Variants in GLCCI1 observed in about 807,000 individuals in gnomAD.
GLCCI1 encodes the protein glucocorticoid-induced transcript 1 protein.
A neutral mutation model predicts 52.2 loss-of-function variants in GLCCI1; 24 were observed. The observed-to-expected ratio is 0.46, with a 90% CI of 0.33 to 0.65. The LOEUF (loss-of-function observed/expected upper bound fraction) is 0.65. GLCCI1 is among the 30% of genes least tolerant of loss of function. The pLI, the probability that GLCCI1 is intolerant of heterozygous loss-of-function variation, is 0.02. For synonymous variants in GLCCI1, 310 were observed against 276.5 expected (o/e 1.12, Z -1.20); for missense variants, 704 against 701.5 (o/e 1.00, Z -0.04).
intron 3 of GLCCI1, among the ~76,000 whole-genome samples, chr7:8,039,384 C>T (rs1219276245): frequency 6.6e-6 from 1 of 151,936 alleles, no homozygotes; most frequent in Non-Finnish European, 1.5e-5. Context: ...AATGGCTGAT[C>T]AGATAAAGAA....
At chr7:8,029,892 A>T (rs1290412377) in intron 3 of GLCCI1, among the ~76,000 whole-genome samples, 1 of 152,176 alleles carries the variant, frequency 6.6e-6, no homozygotes, top group African/African-American at 2.4e-5. Context: ...TGATGAAAGA[A>T]ATTGAAGAGG....
At chr7:8,011,113 T>C (rs934693676) in intron 2 of GLCCI1, among the ~76,000 whole-genome samples, 23 of 151,290 alleles carry the variant, frequency 1.5e-4, no homozygotes, top group Non-Finnish European at 2.9e-4. Context: ...AGTGAGACTC[T>C]GTCTCCTCCC....
At chr7:8,068,677 C>G (rs1468117085) in intron 5 of GLCCI1, among the ~76,000 whole-genome samples, 1 of 152,116 alleles carries the variant, frequency 6.6e-6, no homozygotes, top group African/African-American at 2.4e-5. Context: ...TGTTGGGTAA[C>G]TAATGTGGTC....
Position 7,990,945 on chromosome 7 carries a change from T to C in GLCCI1, c.458-12963T>C, listed in dbSNP as rs115722848. Among the ~76,000 whole-genome samples the C allele has an allele frequency of 3.2e-3, 493 of 152,154 alleles. 5 individuals are homozygous for C. The highest frequency in any genetic ancestry group is 0.011 in the African/African-American group (469 of 41,546). ...CATTGCTGGATTTGGGGACACATTG[T>C]GGGGGTGGGGAGAATACAGCTTGTG... On this transcript the variant is annotated intron_variant, in intron 1 of 7. Coordinates refer to ENST00000223145, the MANE Select transcript of GLCCI1 (RefSeq NM_138426.4).
chr7:8,018,383 A>G (rs1378932680), intron 2 of GLCCI1, among the ~76,000 whole-genome samples: 1 of 152,218 alleles, frequency 6.6e-6, no homozygotes, highest in Non-Finnish European at 1.5e-5. Context: ...ACTAAAAAGC[A>G]TATTGGCCCT....
At chr7:8,037,671 C>T (rs996556242) in intron 3 of GLCCI1, among the ~76,000 whole-genome samples, 2 of 151,822 alleles carry the variant, frequency 1.3e-5, no homozygotes, top group Admixed American at 6.6e-5. Flanking sequence ...GCTAAAGACA[C>T]GTAAAGACTC....
At position 8,056,312 on chromosome 7, in the gene GLCCI1, T is replaced by C. The variant is rs185819912; in HGVS notation, c.813+763T>C. 1.1e-4 allele frequency among the ~76,000 whole-genome samples: 17 copies of C among 152,212 alleles called. No individual in the cohort carries two copies. The East Asian group carries it at 3.3e-3, about 29-fold the overall frequency. ...GAATCCATCTCAATGGTTAGCCTTC[T>C]CTTAATAACAGATAAAACAGAGGAT... On this transcript the variant is annotated intron_variant, in intron 4 of 7. Transcript: ENST00000223145.
At chr7:8,020,640 G>T (rs1197151688) in intron 2 of GLCCI1, among the ~76,000 whole-genome samples, 18 of 152,128 alleles carry the variant, frequency 1.2e-4, no homozygotes, top group Non-Finnish European at 2.4e-4. Flanking sequence ...CAAAATGAAT[G>T]TAATTCATAT....
chr7:8,001,581 G>A (rs1781049597), intron 1 of GLCCI1, among the ~76,000 whole-genome samples: 1 of 152,168 alleles, frequency 6.6e-6, no homozygotes, highest in South Asian at 2.1e-4. Context: ...AATACCATTT[G>A]ACCCAGCGAT....
chr7:7,994,877 AAC>A (rs982612393), intron 1 of GLCCI1, among the ~76,000 whole-genome samples: 2 of 152,026 alleles, frequency 1.3e-5, no homozygotes, highest in Admixed American at 6.6e-5. Flanking sequence ...GATACACACA[AAC>A]ACACACACAC....
At chr7:8,080,955 G>A (rs184561273) in intron 6 of GLCCI1, among the ~76,000 whole-genome samples, 10 of 151,314 alleles carry the variant, frequency 6.6e-5, no homozygotes, top group Admixed American at 2.6e-4. Context: ...GGTTACAGGC[G>A]TAAGCCACCT....
At chr7:8,018,710 C>A (rs1400197763) in intron 2 of GLCCI1, among the ~76,000 whole-genome samples, 1 of 151,928 alleles carries the variant, frequency 6.6e-6, no homozygotes, top group Admixed American at 6.6e-5. Context: ...TTCCAACTAC[C>A]TTTTTTGTTA....
intron 5 of GLCCI1, chr7:8,070,063 A>G (rs995753305): frequency 1.3e-5 from 2 of 152,240 alleles, no homozygotes; most frequent in African/African-American, 2.4e-5. Context: ...GCAGAGTAGT[A>G]AAGTAGAAAG....
chr7:8,025,003 C>A lies in GLCCI1; in HGVS notation c.696+2434C>A, dbSNP rs983806423. On this transcript the variant is annotated intron_variant, in intron 3 of 7. Transcript: ENST00000223145. ...CTTTGTGGCAAGTAAACAGAGAGGG[C>A]CAACAGCTTTATTAGTCTAAGACTG... 2.6e-5 allele frequency among the ~76,000 whole-genome samples: 4 copies of A among 152,102 alleles called. No homozygotes were observed. The South Asian group carries it at 8.3e-4, about 31-fold the overall frequency.
At chr7:8,053,772 C>G (rs1425365561) in intron 3 of GLCCI1, among the ~76,000 whole-genome samples, 3 of 152,098 alleles carry the variant, frequency 2.0e-5, no homozygotes, top group Non-Finnish European at 4.4e-5. Context: ...TGGACTTTTA[C>G]CCTAATTCCC....
chr7:8,065,586 A>G (rs1782614971), intron 5 of GLCCI1, among the ~76,000 whole-genome samples: 1 of 152,050 alleles, frequency 6.6e-6, no homozygotes, highest in South Asian at 2.1e-4. Context: ...TTCAGTGCCT[A>G]GTTTGTTGGA....
chr7:7,974,382 G>A (rs900122987), intron 1 of GLCCI1, among the ~76,000 whole-genome samples: 3 of 152,204 alleles, frequency 2.0e-5, no homozygotes, highest in East Asian at 3.9e-4. Context: ...GTTTTTAACT[G>A]TATGTAAAGT....
intron 2 of GLCCI1, among the ~76,000 whole-genome samples, chr7:8,007,301 A>G (rs1321929607): frequency 6.6e-6 from 1 of 152,196 alleles, no homozygotes; most frequent in East Asian, 1.9e-4. Context: ...ATTAATATGT[A>G]CTACATACAT....
chr7:8,050,864 C>T (rs1782243215), intron 3 of GLCCI1, among the ~76,000 whole-genome samples: 1 of 152,122 alleles, frequency 6.6e-6, no homozygotes, highest in Non-Finnish European at 1.5e-5. Context: ...TGTATTTCTT[C>T]ACCTTTAAAA....
Sources: allele counts gnomAD v4.1 joint callset (sites outside exome capture counted in the v4.1 genomes callset), GRCh38; gene constraint gnomAD v4.1.1; transcripts MANE v1.5; gene names NCBI Gene and HGNC (gene_info 2026-07-23, HGNC 2026-07-21).